The following GDF1 variants were observed in gnomAD, a reference collection of about 807,000 sequenced individuals.
GDF1 encodes the protein growth differentiation factor 1.
A neutral mutation model predicts 7.4 loss-of-function variants in GDF1; 8 were observed. That is an observed-to-expected ratio of 1.09 (90% confidence interval 0.64 to 1.96). GDF1 has a LOEUF of 1.96. GDF1 is among the 30% of genes most tolerant of loss of function. The probability of loss-of-function intolerance (pLI) is 0.00; values close to 1 mark genes in which losing one functional copy is unlikely to be tolerated. For synonymous variants in GDF1, 311 were observed against 276.7 expected (o/e 1.12, Z -1.23); for missense variants, 574 against 551.5 (o/e 1.04, Z -0.41).
chr19:18,875,836 T>C (rs73923175), intron 6 of GDF1, among the ~76,000 whole-genome samples: 13,886 of 152,130 alleles, frequency 0.091, 773 homozygotes, highest in Middle Eastern at 0.13. Flanking sequence ...ACTGGAGCAA[T>C]GCAGCCATAA....
At position 18,869,053 on chromosome 19, in the gene GDF1, G is replaced by T; in HGVS notation, c.663C>A (p.Pro221=). ...GGCGCGCGCAGGCGGCAGGGGCCCGGGGGCGTAGCGCCAGCGCCAGGCGGA... is the reference window on the plus strand; with the variant it reads ...GGCGCGCGCAGGCGGCAGGGGCCCGTGGGCGTAGCGCCAGCGCCAGGCGGA... ...RSLRLALALR[P]RAPAACARLA... The change falls in exon 8 of 8, where the codon CCC becomes CCA. Residue 221 remains proline (P), a synonymous_variant. Coordinates refer to ENST00000247005, the MANE Select transcript of GDF1 (RefSeq NM_001492.6). 9.4e-7 allele frequency: 1 copy of T among 1,063,088 alleles called. No individual in the cohort carries two copies. Among genetic ancestry groups the T allele is most frequent in the South Asian group, 4.3e-5 (1 of 23,192 alleles). 65.9% of individuals were successfully genotyped at this position (1,063,088 alleles called of 1,614,324 possible).
chr19:18,891,079 G>A lies in GDF1; in HGVS notation c.-914+2337C>T, dbSNP rs149109810. On this transcript the variant is annotated intron_variant, in intron 2 of 7. Transcript: ENST00000247005. ...GTGGAGATTGCAGTGAGCCGAGATC[G>A]TGCCATTGCACTCCAGACTGGGTGA... 2.1e-3 allele frequency among the ~76,000 whole-genome samples: 321 copies of A among 151,700 alleles called. 2 individuals carry two copies. Among genetic ancestry groups the A allele is most frequent in the African/African-American group, 7.4e-3 (306 of 41,344 alleles).
chr19:18,873,853 AAAAG>A (rs972300903), intron 6 of GDF1, among the ~76,000 whole-genome samples: 2 of 151,522 alleles, frequency 1.3e-5, no homozygotes, highest in East Asian at 1.9e-4. Context: ...AAAAAAAAAA[AAAAG>A]AAGAAGAAGG....
chr19:18,868,640 C>T lies in GDF1; in HGVS notation c.1076G>A (p.Arg359Gln), dbSNP rs772895457. ...FFDNSDNVVLRQYEDMVVDEC... is the reference protein window; with the variant it reads ...FFDNSDNVVLQQYEDMVVDEC... ...GTCCACCACCATGTCCTCATACTGC[C>T]GCAGCACCACGTTGTCGCTGTTGTC... Residue 359 changes from arginine to glutamine, a missense_variant, in exon 8 of 8, where the codon CGG becomes CAG. Physicochemically the swap from Arg to Gln is conservative, Grantham distance 43. Transcript: ENST00000247005. The T allele has an allele frequency of 1.9e-6, 3 of 1,574,384 alleles. No homozygotes were observed. Among genetic ancestry groups the T allele is most frequent in the South Asian group, 1.2e-5 (1 of 85,844 alleles).
Position 18,869,051 on chromosome 19 carries a change from C to CG in GDF1, c.664dup (p.Arg222ProfsTer130). The CG allele has an allele frequency of 9.4e-7, 1 of 1,064,538 alleles. No individual in the cohort carries two copies. The highest frequency in any genetic ancestry group is 1.1e-6 in the Non-Finnish European group (1 of 882,036). The allele number at this position is 1,064,538 out of a possible 1,614,324, so 65.9% of individuals were successfully genotyped here. A position where few individuals can be genotyped will look rare whatever the true frequency, so the allele number is the denominator to read the frequency against. The stretch of plus-strand genomic sequence containing the variant: ...CAGGCGCGCGCAGGCGGCAGGGGCC[C>CG]GGGGGCGTAGCGCCAGCGCCAGGCG... On this transcript the variant is annotated frameshift_variant, in exon 8 of 8. Transcript: ENST00000247005. LOFTEE classifies it low-confidence loss of function (END_TRUNC).
At chr19:18,891,609 G>C (rs868758723) in intron 2 of GDF1, among the ~76,000 whole-genome samples, 1 of 151,950 alleles carries the variant, frequency 6.6e-6, no homozygotes, top group Non-Finnish European at 1.5e-5. Flanking sequence ...GCAGGGTCTC[G>C]CTCTGTTGCC....
At chr19:18,877,686 C>T (rs899114689) in intron 6 of GDF1, among the ~76,000 whole-genome samples, 2 of 140,770 alleles carry the variant, frequency 1.4e-5, no homozygotes, top group East Asian at 2.1e-4. Context: ...GCCTGGGAGG[C>T]GGCGGTTGCA....
intron 2 of GDF1, among the ~76,000 whole-genome samples, chr19:18,887,581 C>T (rs2056391701): frequency 6.6e-6 from 1 of 151,930 alleles, no homozygotes; most frequent in Non-Finnish European, 1.5e-5. Context: ...CCTGTCTGTA[C>T]TAAAAATACA....
rs1215305703 is a variant in GDF1 at position 18,870,897 on chromosome 19, T to C, written c.-312-278A>G. On this transcript the variant is annotated intron_variant, in intron 6 of 7. Transcript: ENST00000247005. This position sits in a 1 kb window ranked among gnomAD's most constrained non-coding sequence, Gnocchi z 5.1. Reference sequence around the variant, plus strand: ...CAATTAAACCTTCCTCTTCCCCTCCTCCCTGCCTCTCCAGGCCGCTGGAGG... The same window carrying C: ...CAATTAAACCTTCCTCTTCCCCTCCCCCCTGCCTCTCCAGGCCGCTGGAGG... 6.6e-6 allele frequency among the ~76,000 whole-genome samples: 1 copy of C among 151,276 alleles called. No homozygotes were observed. Among genetic ancestry groups the C allele is most frequent in the Non-Finnish European group, 1.5e-5 (1 of 67,866 alleles).
In GDF1 at chr19:18,870,815, C is replaced by T. The variant is rs1263764212; in HGVS notation, c.-312-196G>A. On this transcript the variant is annotated intron_variant, in intron 6 of 7. Coordinates refer to ENST00000247005, the MANE Select transcript of GDF1 (RefSeq NM_001492.6). This position sits in a 1 kb window ranked among gnomAD's most constrained non-coding sequence, Gnocchi z 5.1. ...ACCCTGCCCCTCCTTCAACCTGCCC[C>T]GTAGGCACGTATGTCCCCCCTGGCA... Among the ~76,000 whole-genome samples the T allele has an allele frequency of 6.6e-6, 1 of 152,124 alleles. No individual in the cohort carries two copies. The highest frequency in any genetic ancestry group is 1.5e-5 in the Non-Finnish European group (1 of 67,998).
At position 18,879,434 on chromosome 19, in the gene GDF1, C is replaced by G. The variant is rs771988771; in HGVS notation, c.-570-46G>C. 5 of 1,543,988 alleles carry G rather than the reference C, an allele frequency of 3.2e-6. No individual in the cohort carries two copies. In the South Asian group the frequency reaches 6.0e-5, roughly 19 times the overall value. ...AGGCCGTGGGTGGAGGGGGACGGTG[C>G]CCTACCCAGTCCCTGTCCTATCCCG... On this transcript the variant is annotated intron_variant, in intron 4 of 7. Transcript: ENST00000247005.
intron 2 of GDF1, among the ~76,000 whole-genome samples, chr19:18,892,753 C>T (rs1223087508): frequency 3.3e-5 from 5 of 152,120 alleles, no homozygotes; most frequent in Admixed American, 6.6e-5. Context: ...GGAATGCCTG[C>T]CTGGACCCAC....
chr19:18,894,984 C>T (rs1326839028), intron 1 of GDF1, among the ~76,000 whole-genome samples: 2 of 152,226 alleles, frequency 1.3e-5, no homozygotes, highest in Non-Finnish European at 2.9e-5. Context: ...CGACCCCTCC[C>T]CAGGGAAGTG....
chr19:18,888,388 C>T lies in GDF1; in HGVS notation c.-913-4121G>A, dbSNP rs184409111. ...AAAAAATTAGCTGGGTGTGGTGGCT[C>T]GTGCCTGTAATCCCAGCCACTCATG... is the stretch of plus-strand genomic sequence containing the variant. On this transcript the variant is annotated intron_variant, in intron 2 of 7. Transcript: ENST00000247005. 1.5e-3 allele frequency among the ~76,000 whole-genome samples: 226 copies of T among 150,820 alleles called. 2 individuals carry two copies. The East Asian group carries it at 0.034, about 22-fold the overall frequency.
rs1408808776 is a variant in GDF1 at position 18,878,309 on chromosome 19, C to G, written c.-313+621G>C. 1.5e-5 allele frequency: 15 copies of G among 985,902 alleles called. No homozygotes were observed. The highest frequency in any genetic ancestry group is 1.7e-5 in the Non-Finnish European group (14 of 830,512). The allele number at this position is 985,902 out of a possible 1,614,324, so 61.1% of individuals were successfully genotyped here. On this transcript the variant is annotated intron_variant, in intron 6 of 7. Coordinates refer to ENST00000247005, the MANE Select transcript of GDF1 (RefSeq NM_001492.6). The surrounding 1 kb of genome is among the most constrained non-coding windows in gnomAD (Gnocchi z 4.6). ...CTGGCCCAGACACCCCCTGCCTGCCCCAGGCCTGGGGCTTCGGACACCATC... is the reference window on the plus strand; with the variant it reads ...CTGGCCCAGACACCCCCTGCCTGCCGCAGGCCTGGGGCTTCGGACACCATC...
chr19:18,874,539 G>A (rs2056028451), intron 6 of GDF1, among the ~76,000 whole-genome samples: 1 of 152,226 alleles, frequency 6.6e-6, no homozygotes, highest in South Asian at 2.1e-4. Flanking sequence ...ACGGAGCATT[G>A]AGTGCAGGTC....
At chr19:18,894,541 G>C (rs1273478427) in intron 1 of GDF1, among the ~76,000 whole-genome samples, 1 of 152,118 alleles carries the variant, frequency 6.6e-6, no homozygotes, top group Non-Finnish European at 1.5e-5. Flanking sequence ...CTCGGCCCTG[G>C]TAGTCTACCA....
rs1041137853 is a variant in GDF1 at position 18,870,823 on chromosome 19, C to T, written c.-312-204G>A. On this transcript the variant is annotated intron_variant, in intron 6 of 7. Transcript: ENST00000247005. This position sits in a 1 kb window ranked among gnomAD's most constrained non-coding sequence, Gnocchi z 5.1. Reference sequence around the variant, plus strand: ...CCTCCTTCAACCTGCCCCGTAGGCACGTATGTCCCCCCTGGCACCCTGGCA... The same window carrying T: ...CCTCCTTCAACCTGCCCCGTAGGCATGTATGTCCCCCCTGGCACCCTGGCA... Among the ~76,000 whole-genome samples, 3 of 152,084 alleles carry T rather than the reference C, an allele frequency of 2.0e-5. No homozygotes were observed. Among genetic ancestry groups the T allele is most frequent in the African/African-American group, 7.2e-5 (3 of 41,412 alleles).
chr19:18,879,244 G>T lies in GDF1; in HGVS notation c.-426C>A. ...AGGAGAGCCGGGGCCGACTCACCAG[G>T]AACCAGTAGAGGTTCATAAGGGTGA... On this transcript the variant is annotated 5_prime_UTR_variant, in exon 5 of 8. Transcript: ENST00000247005. The T allele has an allele frequency of 6.2e-7, 1 of 1,613,656 alleles. No individual in the cohort carries two copies. The highest frequency in any genetic ancestry group is 8.5e-7 in the Non-Finnish European group (1 of 1,179,798).
Sources: gnomAD v4.1 joint callset for allele counts (sites outside exome capture counted in the v4.1 genomes callset) on GRCh38, gnomAD v4.1.1 for gene constraint, Gnocchi (gnomAD v3.1) non-coding constraint, MANE v1.5 for transcripts, NCBI Gene and HGNC (gene_info 2026-07-23, HGNC 2026-07-21) for gene names.